The following A2ML1 variants were observed in gnomAD, a reference collection of about 807,000 sequenced individuals.
A2ML1 encodes alpha-2-macroglobulin-like protein 1.
In A2ML1, 161 loss-of-function variants were observed where a neutral mutation model predicts 181.9. The ratio of observed to expected loss-of-function variants is 0.89; its 90% CI spans 0.78 to 1.01. The LOEUF (loss-of-function observed/expected upper bound fraction) is 1.01. Ranked by LOEUF, A2ML1 falls within the 50% of genes least tolerant of loss-of-function variation. The probability of loss-of-function intolerance (pLI) is 0.00; values close to 1 mark genes in which losing one functional copy is unlikely to be tolerated. For synonymous variants in A2ML1, 663 were observed against 666.8 expected (o/e 0.99, Z 0.09); for missense variants, 1,670 against 1,768.1 (o/e 0.94, Z 1.00).
chr12:8,860,933 TG>T lies in A2ML1; in HGVS notation c.3319del (p.Glu1107ArgfsTer6). 1.9e-6 allele frequency: 3 copies of T among 1,614,124 alleles called. No homozygotes were observed. Among genetic ancestry groups the T allele is most frequent in the Non-Finnish European group, 2.5e-6 (3 of 1,180,034 alleles). Reference protein sequence around the residue: ...SLTAYVTAALLEMGKDVDDPM... With the variant: ...SLTAYVTAALXEMGKDVDDPM... The stretch of plus-strand genomic sequence containing the variant: ...ACTGCGTATGTCACAGCTGCATTGC[TG>T]GAGATGGGAAAGGATGTAGATGTAA... On this transcript the variant is annotated frameshift_variant, in exon 27 of 36. Transcript: ENST00000299698. LOFTEE classifies it high-confidence loss of function.
rs369633399 is a variant in A2ML1, at chr12:8,851,787, C to G, written c.2238C>G (p.Asn746Lys). 6.2e-7 allele frequency: 1 copy of G among 1,613,918 alleles called. No homozygotes were observed. Among genetic ancestry groups the G allele is most frequent in the Non-Finnish European group, 8.5e-7 (1 of 1,180,034 alleles). ...GTTGGTCCTTGTGTTTTCACAGTAACTCGGGGAAGGAGGCGGTCCACGTCA... is the reference window on the plus strand; with the variant it reads ...GTTGGTCCTTGTGTTTTCACAGTAAGTCGGGGAAGGAGGCGGTCCACGTCA... Reference protein sequence around the residue: ...TWLWDLFPIGNSGKEAVHVTV... With the variant: ...TWLWDLFPIGKSGKEAVHVTV... Residue 746 changes from asparagine to lysine, a missense_variant, in exon 19 of 36, where the codon AAC becomes AAG. By Grantham distance (94) the Asn-to-Lys change is moderately conservative (BLOSUM62 0). Coordinates refer to ENST00000299698, the MANE Select transcript of A2ML1 (RefSeq NM_144670.6).
Position 8,851,978 on chromosome 12 carries a change from C to A in A2ML1, c.2429C>A (p.Ala810Asp), listed in dbSNP as rs778855832. Residue 810 changes from alanine (A) to aspartate (D), a missense_variant, in exon 19 of 36, where the codon GCC (alanine) becomes GAC (aspartate). Coordinates refer to ENST00000299698, the MANE Select transcript of A2ML1 (RefSeq NM_144670.6). Reference sequence around the variant, plus strand: ...CGTGGGGAATCCTTTCGTCTTACTGCCACCATCTTCAATTACCTAAAGGAT... The same window carrying A: ...CGTGGGGAATCCTTTCGTCTTACTGACACCATCTTCAATTACCTAAAGGAT... ...VVRGESFRLT[A>D]TIFNYLKDCI... 2 of 1,614,166 alleles carry A rather than the reference C, an allele frequency of 1.2e-6. No individual in the cohort carries two copies. Among genetic ancestry groups the A allele is most frequent in the Admixed American group, 3.3e-5 (2 of 60,020 alleles).
At chr12:8,883,746 G>A (rs1944892076) in intron 7 of A2ML1, among the ~76,000 whole-genome samples, 1 of 151,900 alleles carries the variant, frequency 6.6e-6, no homozygotes, top group Non-Finnish European at 1.5e-5. Flanking sequence ...CCAAAGTGCT[G>A]GGATTATAGG....
intron 35 of A2ML1, 40 bp downstream of exon 35, chr12:8,875,052 G>A (rs1419283139): frequency 6.2e-7 from 1 of 1,601,968 alleles, no homozygotes; most frequent in Non-Finnish European, 8.5e-7. Context: ...ATGGGTTAGG[G>A]TGGCAGAAGT....
chr12:8,858,424 A>T (rs1195869879), intron 26 of A2ML1: 12 of 202,826 alleles, frequency 5.9e-5, no homozygotes, highest in Non-Finnish European at 2.0e-5. Flanking sequence ...CTCTACAAAA[A>T]AAATATGAAA....
Position 8,850,173 on chromosome 12 carries a change from T to C in A2ML1, c.2133T>C (p.His711=), listed in dbSNP as rs778103992. 2.5e-6 allele frequency: 4 copies of C among 1,609,250 alleles called. No homozygotes were observed. The Admixed American group carries it at 5.1e-5, about 21-fold the overall frequency. Residue 711 remains histidine, a synonymous_variant, in exon 18 of 36, where the codon CAT becomes CAC. Transcript: ENST00000299698. ...YSTAMGAGGG[H]PEAFESSTPL... ...CAATTTCATCAGCAGGCGGTGGTCA[T>C]CCAGAGGCTTTTGAGTCATCAACTC...
At chr12:8,870,870 T>C (rs1441028328) in intron 33 of A2ML1, among the ~76,000 whole-genome samples, 5 of 152,206 alleles carry the variant, frequency 3.3e-5, no homozygotes, top group African/African-American at 9.6e-5. Flanking sequence ...AATCTGCCAG[T>C]TGGCTTCTAA....
chr12:8,852,901 G>A lies in A2ML1; in HGVS notation c.2590+565G>A, dbSNP rs759522602. Among the ~76,000 whole-genome samples the A allele has an allele frequency of 6.6e-6, 1 of 152,204 alleles. No homozygotes were observed. Among genetic ancestry groups the A allele is most frequent in the South Asian group, 2.1e-4 (1 of 4,818 alleles). ...AGTAGAGGTGGGGTTTTGCCATGTT[G>A]GCCAGGCTGGTCTCAAACTCCTGAC... On this transcript the variant is annotated intron_variant, in intron 20 of 35. Transcript: ENST00000299698. The surrounding 1 kb of genome is among the most constrained non-coding windows in gnomAD (Gnocchi z 4.2).
intron 8 of A2ML1, among the ~76,000 whole-genome samples, chr12:8,838,006 G>A (rs775380060): frequency 6.6e-6 from 1 of 151,976 alleles, no homozygotes; most frequent in East Asian, 1.9e-4. Flanking sequence ...TATCATCCCA[G>A]TTCCAAAGAA....
chr12:8,831,851 G>A (rs1943124621), intron 4 of A2ML1, among the ~76,000 whole-genome samples: 1 of 152,118 alleles, frequency 6.6e-6, no homozygotes. Context: ...CCAGGTTCAA[G>A]TGATTCTCCT....
At chr12:8,847,728 G>A in intron 15 of A2ML1, 30 bp downstream of exon 15, 1 of 1,595,430 alleles carries the variant, frequency 6.3e-7, no homozygotes, top group African/African-American at 1.3e-5. Flanking sequence ...CAGAGTGGGA[G>A]GAGGGAGTTG....
intron 20 of A2ML1, among the ~76,000 whole-genome samples, chr12:8,853,417 T>C (rs772877838): frequency 2.6e-5 from 4 of 152,226 alleles, no homozygotes; most frequent in Non-Finnish European, 5.9e-5. Context: ...ATTGTAAAAC[T>C]TAAGTGTCAT....
In A2ML1 at chr12:8,846,870, G is replaced by A. The variant is rs180908529; in HGVS notation, c.1683+648G>A. On this transcript the variant is annotated intron_variant, in intron 14 of 35. Transcript: ENST00000299698. Reference sequence around the variant, plus strand: ...TGCATACCTGTAGTCCCAGCTAGTCGGAAGGCTGAAGCAGGTGTATCGCTT... The same window carrying A: ...TGCATACCTGTAGTCCCAGCTAGTCAGAAGGCTGAAGCAGGTGTATCGCTT... Among the ~76,000 whole-genome samples, 9 of 151,730 alleles carry A rather than the reference G, an allele frequency of 5.9e-5. No individual in the cohort carries two copies. The East Asian group carries it at 7.8e-4, about 13-fold the overall frequency.
In A2ML1 at chr12:8,852,003, T is replaced by C; in HGVS notation, c.2454T>C (p.Asp818=). The C allele has an allele frequency of 6.2e-7, 1 of 1,614,062 alleles. No homozygotes were observed. Among genetic ancestry groups the C allele is most frequent in the Non-Finnish European group, 8.5e-7 (1 of 1,179,964 alleles). ...CCACCATCTTCAATTACCTAAAGGATTGCATCAGGGTGAGAGCTGGGGATA... is the reference window on the plus strand; with the variant it reads ...CCACCATCTTCAATTACCTAAAGGACTGCATCAGGGTGAGAGCTGGGGATA... ...LTATIFNYLK[D]CIRVQTDLAK... The change falls in exon 19 of 36, where the codon GAT becomes GAC. Residue 818 remains aspartate, a synonymous_variant. Coordinates refer to ENST00000299698, the MANE Select transcript of A2ML1 (RefSeq NM_144670.6). This position sits in a 1 kb window ranked among gnomAD's most constrained non-coding sequence, Gnocchi z 4.2.
chr12:8,883,417 A>G (rs1185451413), intron 7 of A2ML1, among the ~76,000 whole-genome samples: 1 of 152,226 alleles, frequency 6.6e-6, no homozygotes, highest in Non-Finnish European at 1.5e-5. Flanking sequence ...CATGTGGCAG[A>G]ATTCCAGCCT....
At position 8,849,159 on chromosome 12, in the gene A2ML1, AT is replaced by A. The variant is rs200191032; in HGVS notation, c.2028+247del. On this transcript the variant is annotated intron_variant, in intron 16 of 35. Transcript: ENST00000299698. ...TCCATGAGATCAATCAGGAGGGAAA[AT>A]TAGAGAAGGTAGACCAGAGGTCTCT... Among the ~76,000 whole-genome samples the A allele has an allele frequency of 9.8e-5, 15 of 152,300 alleles. 1 individual carries two copies. In the East Asian group the frequency reaches 2.9e-3, roughly 29 times the overall value.
At chr12:8,851,702 C>A in intron 18 of A2ML1, 82 bp from the exon 19 acceptor site, 1 of 1,328,476 alleles carries the variant, frequency 7.5e-7, no homozygotes, top group Non-Finnish European at 1.1e-6. Context: ...CAGCACACCC[C>A]ACCGAATTTG....
chr12:8,883,260 C>A (rs945279366), intron 7 of A2ML1, among the ~76,000 whole-genome samples: 3 of 152,068 alleles, frequency 2.0e-5, no homozygotes, highest in Admixed American at 6.6e-5. Flanking sequence ...GAAAGCTGGA[C>A]CCTGTGCTGG....
chr12:8,868,612 G>A lies in A2ML1; in HGVS notation c.4137G>A (p.Glu1379=). 6.2e-7 allele frequency: 1 copy of A among 1,613,898 alleles called. No individual in the cohort carries two copies. Among genetic ancestry groups the A allele is most frequent in the Non-Finnish European group, 8.5e-7 (1 of 1,179,966 alleles). The change falls in exon 32 of 36, where the codon GAG becomes GAA. Residue 1379 remains glutamate (E), a synonymous_variant. Transcript: ENST00000299698. ...TGCTATCTGGGTTCAGTCCCATGGAGGGCACCAATCAGTTAGTAAGTTACT... is the reference window on the plus strand; with the variant it reads ...TGCTATCTGGGTTCAGTCCCATGGAAGGCACCAATCAGTTAGTAAGTTACT... The part of the protein sequence containing the change: ...VKMLSGFSPM[E]GTNQLLLQQP...
Sources: gnomAD v4.1 joint callset for allele counts (sites outside exome capture counted in the v4.1 genomes callset) on GRCh38, gnomAD v4.1.1 for gene constraint, Gnocchi (gnomAD v3.1) non-coding constraint, MANE v1.5 for transcripts, NCBI Gene and HGNC (gene_info 2026-07-23, HGNC 2026-07-21) for gene names.